Variants in FNIP2 observed in about 807,000 individuals in gnomAD.
FNIP2 encodes folliculin-interacting protein 2.
FNIP2 carries 32 observed loss-of-function variants against 108.7 expected under a neutral mutation model. The observed-to-expected ratio is 0.29, with a 90% CI of 0.22 to 0.40. The LOEUF (loss-of-function observed/expected upper bound fraction) is 0.40, where lower values mean the gene tolerates loss of function less well. Ranked by LOEUF, FNIP2 falls within the 10% of genes least tolerant of loss-of-function variation. The pLI, the probability that FNIP2 is intolerant of heterozygous loss-of-function variation, is 1.00. For synonymous variants in FNIP2, 480 were observed against 496.7 expected (o/e 0.97, Z 0.45); for missense variants, 1,202 against 1,381.6 (o/e 0.87, Z 2.06).
chr4:158,829,711 G>GGGGT (rs1778357847), intron 3 of FNIP2, among the ~76,000 whole-genome samples: 2 of 148,262 alleles, frequency 1.3e-5, no homozygotes, highest in Non-Finnish European at 1.5e-5. Context: ...GTGTGTGTGG[G>GGGGT]GTGTGTGTGT....
At chr4:158,801,368 TGGCAC>T (rs1202543376) in intron 1 of FNIP2, among the ~76,000 whole-genome samples, 1 of 152,184 alleles carries the variant, frequency 6.6e-6, no homozygotes, top group African/African-American at 2.4e-5. Flanking sequence ...ACATTCTAGG[TGGCAC>T]GGAATTTGAG....
At chr4:158,824,855 C>T (rs1302062795) in intron 1 of FNIP2, among the ~76,000 whole-genome samples, 8 of 152,102 alleles carry the variant, frequency 5.3e-5, no homozygotes, top group African/African-American at 1.4e-4. Context: ...TCCTATGGTG[C>T]GCATCATTTG....
chr4:158,813,073 T>G (rs1166074916), intron 1 of FNIP2, among the ~76,000 whole-genome samples: 1 of 152,156 alleles, frequency 6.6e-6, no homozygotes, highest in Non-Finnish European at 1.5e-5. Context: ...GGTAGTTCAT[T>G]TCCTTTTTAG....
intron 1 of FNIP2, among the ~76,000 whole-genome samples, chr4:158,776,537 T>C (rs1217632481): frequency 5.3e-5 from 8 of 152,252 alleles, no homozygotes; most frequent in Admixed American, 5.2e-4. Context: ...CATTCATTTC[T>C]TCATTAGCTA....
At chr4:158,872,373 A>G in intron 14 of FNIP2, 1 of 985,398 alleles carries the variant, frequency 1.0e-6, no homozygotes, top group Non-Finnish European at 1.2e-6. Context: ...AAACACAACC[A>G]TGTTTACTCT....
At position 158,825,952 on chromosome 4, in the gene FNIP2, C is replaced by A; in HGVS notation, c.144C>A (p.Arg48=). The A allele has an allele frequency of 6.2e-7, 1 of 1,608,750 alleles. No individual in the cohort carries two copies. The highest frequency in any genetic ancestry group is 8.5e-7 in the Non-Finnish European group (1 of 1,175,598). Residue 48 remains arginine (R), a synonymous_variant, in exon 2 of 17, where the codon CGC becomes CGA. Coordinates refer to ENST00000264433, the MANE Select transcript of FNIP2 (RefSeq NM_020840.3). The part of the protein sequence containing the change: ...SCSEFDLNEI[R]LIVYQDCDRR... ...CGGAGTTTGACCTGAATGAGATTCG[C>A]CTGATAGTTTACCAGGACTGTGACA...
intron 14 of FNIP2, among the ~76,000 whole-genome samples, chr4:158,883,174 T>G (rs556430991): frequency 1.1e-3 from 172 of 152,046 alleles, no homozygotes; most frequent in Non-Finnish European, 2.0e-3. Flanking sequence ...GAGAAAAACA[T>G]AGAGAGAAGT....
rs758552637 is a variant in FNIP2, at chr4:158,869,247, C to T, written c.2611C>T (p.Pro871Ser). The T allele has an allele frequency of 1.1e-5, 17 of 1,613,986 alleles. No homozygotes were observed. Among genetic ancestry groups the T allele is most frequent in the Non-Finnish European group, 1.4e-5 (17 of 1,179,888 alleles). ...GPGLVAGANI[P>S]CGDDNKKANF... Reference sequence around the variant, plus strand: ...TGGCCTCGTGGCTGGTGCGAATATCCCCTGTGGGGATGACAACAAGAAGGC... The same window carrying T: ...TGGCCTCGTGGCTGGTGCGAATATCTCCTGTGGGGATGACAACAAGAAGGC... The change falls in exon 13 of 17, where the codon CCC (proline) becomes TCC (serine). Residue 871 changes from proline (P) to serine (S), a missense_variant. By Grantham distance (74) the Pro-to-Ser change is moderately conservative (BLOSUM62 -1). Coordinates refer to ENST00000264433, the MANE Select transcript of FNIP2 (RefSeq NM_020840.3).
Position 158,851,340 on chromosome 4 carries a change from G to T in FNIP2, c.747G>T (p.Leu249Phe). 1 of 1,613,900 alleles carries T rather than the reference G, an allele frequency of 6.2e-7. No homozygotes were observed. Among genetic ancestry groups the T allele is most frequent in the South Asian group, 1.1e-5 (1 of 91,068 alleles). Residue 249 changes from leucine (L) to phenylalanine (F), a missense_variant, in exon 8 of 17, where the codon TTG becomes TTT. Leu to Phe is a conservative substitution (Grantham distance 22). This residue lies in a region of FNIP2 where 878 missense variants were observed against 990.3 expected (regional missense o/e 0.89). Coordinates refer to ENST00000264433, the MANE Select transcript of FNIP2 (RefSeq NM_020840.3). ...CTACAGCCTCACTAAGCAGTCTTTT[G>T]ATCACACCTTTCCCATCTCCAAGCT... ...IARSASLSSL[L>F]ITPFPSPSSS...
At chr4:158,770,791 G>A (rs1440074492) in intron 1 of FNIP2, among the ~76,000 whole-genome samples, 1 of 152,142 alleles carries the variant, frequency 6.6e-6, no homozygotes, top group Non-Finnish European at 1.5e-5. Flanking sequence ...ACTCCATCAG[G>A]GGTACAAAGC....
At chr4:158,779,767 C>T (rs552267861) in intron 1 of FNIP2, among the ~76,000 whole-genome samples, 87 of 142,682 alleles carry the variant, frequency 6.1e-4, no homozygotes, top group African/African-American at 1.8e-3. Flanking sequence ...GAGACGGGAG[C>T]GGGGGTGGTC....
rs1780756598 is a variant in FNIP2 at position 158,868,949 on chromosome 4, C to T, written c.2313C>T (p.Gly771=). The T allele has an allele frequency of 6.2e-7, 1 of 1,613,848 alleles. No homozygotes were observed. Among genetic ancestry groups the T allele is most frequent in the Admixed American group, 1.7e-5 (1 of 60,000 alleles). The change falls in exon 13 of 17, where the codon GGC becomes GGT. Residue 771 remains glycine (G), a synonymous_variant. Transcript: ENST00000264433. The surrounding 1 kb of genome is among the most constrained non-coding windows in gnomAD (Gnocchi z 4.6). ...TTTCTAGGAGCCCTTTTAAACCTGG[C>T]TTTCAGGAGAATGTTTGCTGTCCTC... ...PQVSRSPFKP[G]FQENVCCPQN...
chr4:158,795,222 A>C (rs1394128884), intron 1 of FNIP2, among the ~76,000 whole-genome samples: 1 of 152,198 alleles, frequency 6.6e-6, no homozygotes, highest in Non-Finnish European at 1.5e-5. Flanking sequence ...TCCCTGAGAG[A>C]GTGACTATTT....
At chr4:158,839,394 T>G (rs1778995015) in intron 7 of FNIP2, among the ~76,000 whole-genome samples, 1 of 152,076 alleles carries the variant, frequency 6.6e-6, no homozygotes, top group South Asian at 2.1e-4. Flanking sequence ...CGGTCTTGCT[T>G]GTCCCTAAGC....
chr4:158,889,540 C>T (rs938774484), intron 14 of FNIP2, among the ~76,000 whole-genome samples: 2 of 152,180 alleles, frequency 1.3e-5, no homozygotes, highest in African/African-American at 4.8e-5. Flanking sequence ...AGACTAAGTT[C>T]GATTTGAACC....
Position 158,811,950 on chromosome 4 carries a change from A to C in FNIP2, c.108-13966A>C, listed in dbSNP as rs550637910. 1.2e-4 allele frequency among the ~76,000 whole-genome samples: 18 copies of C among 152,340 alleles called. No individual in the cohort carries two copies. The South Asian group carries it at 3.7e-3, about 32-fold the overall frequency. Reference sequence around the variant, plus strand: ...AGAGAACAGGAAGTACAGAGATCTTAAGGCAGGAACATGCCTGGTGTGCAT... The same window carrying C: ...AGAGAACAGGAAGTACAGAGATCTTCAGGCAGGAACATGCCTGGTGTGCAT... On this transcript the variant is annotated intron_variant, in intron 1 of 16. Coordinates refer to ENST00000264433, the MANE Select transcript of FNIP2 (RefSeq NM_020840.3).
chr4:158,777,448 G>A (rs758358054), intron 1 of FNIP2, among the ~76,000 whole-genome samples: 16 of 152,214 alleles, frequency 1.1e-4, no homozygotes, highest in Non-Finnish European at 2.2e-4. Flanking sequence ...AACTAATTTA[G>A]AAATGGATTT....
intron 1 of FNIP2, among the ~76,000 whole-genome samples, chr4:158,814,079 C>A (rs1777433003): frequency 6.6e-6 from 1 of 152,156 alleles, no homozygotes; most frequent in Non-Finnish European, 1.5e-5. Context: ...TCTCCTCCTC[C>A]TTTTCTTCCT....
intron 6 of FNIP2, chr4:158,834,288 T>TTCTCTCTCTCTCTCTCTGTCTC (rs1553959298): frequency 1.3e-4 from 8 of 63,220 alleles, no homozygotes; most frequent in African/African-American, 4.7e-4. Flanking sequence ...CATGGAAGAC[T>TTCTCTCTCTCTCTCTCTGTCTC]TCTCTCTCTC....
Sources: gnomAD v4.1 joint callset for allele counts (sites outside exome capture counted in the v4.1 genomes callset) on GRCh38, gnomAD v4.1.1 for gene constraint, gnomAD v4.1.1 regional missense constraint, Gnocchi (gnomAD v3.1) non-coding constraint, MANE v1.5 for transcripts, NCBI Gene and HGNC (gene_info 2026-07-23, HGNC 2026-07-21) for gene names.